The following MMP26 variants were observed in gnomAD, a reference collection of about 807,000 sequenced individuals.
MMP26 encodes the protein matrix metallopeptidase 26, also known as matrix metalloproteinase-26.
A neutral mutation model predicts 31.0 loss-of-function variants in MMP26; 33 were observed. The ratio of observed to expected loss-of-function variants is 1.06; its 90% CI spans 0.81 to 1.42. The LOEUF is 1.42. Among genes scored for constraint, MMP26 ranks in the 40% most tolerant of loss-of-function variants. The pLI is 0.00. For synonymous variants in MMP26, 122 were observed against 114.9 expected, an observed-to-expected ratio of 1.06 and a Z score of -0.40; for missense variants, 347 against 316.1, an observed-to-expected ratio of 1.10 and a Z score of -0.74.
chr11:4,962,674 G>C (rs1383692599), intron 2 of MMP26, among the ~76,000 whole-genome samples: 1 of 152,122 alleles, frequency 6.6e-6, no homozygotes, highest in Admixed American at 6.6e-5. Context: ...ATAGTAATTC[G>C]GGTTTAGCAC....
At chr11:4,767,719 G>A (rs1166820843) in intron 2 of MMP26, among the ~76,000 whole-genome samples, 1 of 151,858 alleles carries the variant, frequency 6.6e-6, no homozygotes, top group Non-Finnish European at 1.5e-5. Context: ...TGCAAAAATA[G>A]GCTCTTGCAA....
intron 2 of MMP26, among the ~76,000 whole-genome samples, chr11:4,786,533 G>A (rs1387400324): frequency 1.9e-5 from 2 of 105,776 alleles, no homozygotes; most frequent in East Asian, 6.9e-4. Flanking sequence ...TACCAAAACT[G>A]TTGTGAGATA....
chr11:4,782,735 G>A (rs1190071201), intron 2 of MMP26, among the ~76,000 whole-genome samples: 2 of 152,192 alleles, frequency 1.3e-5, no homozygotes, highest in East Asian at 1.9e-4. Context: ...ATTGGGCCAG[G>A]CCCAAGGTCT....
intron 2 of MMP26, among the ~76,000 whole-genome samples, chr11:4,965,750 A>AGT (rs1351456510): frequency 2.0e-5 from 3 of 152,198 alleles, no homozygotes; most frequent in Non-Finnish European, 4.4e-5. Context: ...GGTTAACAGG[A>AGT]ATCAAAGTAA....
At chr11:4,893,122 T>C (rs904673366) in intron 2 of MMP26, among the ~76,000 whole-genome samples, 1 of 152,122 alleles carries the variant, frequency 6.6e-6, no homozygotes, top group Admixed American at 6.6e-5. Context: ...TTCCCCAGTC[T>C]GTATACAAGA....
At chr11:4,900,900 G>T (rs1850790444) in intron 2 of MMP26, among the ~76,000 whole-genome samples, 1 of 152,088 alleles carries the variant, frequency 6.6e-6, no homozygotes, top group African/African-American at 2.4e-5. Flanking sequence ...TCCATCAGCT[G>T]ATTTGTCCGT....
At chr11:4,748,812 G>A (rs542864546) in intron 1 of MMP26, among the ~76,000 whole-genome samples, 15 of 151,948 alleles carry the variant, frequency 9.9e-5, no homozygotes, top group Non-Finnish European at 1.0e-4. Flanking sequence ...TAAAAGCCAC[G>A]TATGACAAAC....
intron 2 of MMP26, chr11:4,882,859 G>A: frequency 1.2e-6 from 2 of 1,612,882 alleles, no homozygotes; most frequent in East Asian, 2.2e-5. Context: ...TTAATGTGAG[G>A]GGTCTTAGGG....
rs1384791968 is a variant in MMP26, at chr11:4,739,789, A to AT, written c.-216-27476dup. On this transcript the variant is annotated intron_variant, in intron 1 of 7. Transcript: ENST00000380390. Reference sequence around the variant, plus strand: ...TTATAGGCCACTGAGAAGCTGGCATATTTTTCATCTAAGGCTGCTCAGTTT... The same window carrying AT: ...TTATAGGCCACTGAGAAGCTGGCATATTTTTTCATCTAAGGCTGCTCAGTTT... 2.6e-5 allele frequency among the ~76,000 whole-genome samples: 4 copies of AT among 151,986 alleles called. No homozygotes were observed. In the East Asian group the frequency reaches 7.7e-4, roughly 29 times the overall value.
chr11:4,963,103 G>A (rs988044878), intron 2 of MMP26, among the ~76,000 whole-genome samples: 5 of 152,106 alleles, frequency 3.3e-5, no homozygotes, highest in African/African-American at 1.2e-4. Context: ...GACAAACAGA[G>A]AGCCAAATCA....
chr11:4,709,055 T>C (rs1057086921), intron 1 of MMP26, among the ~76,000 whole-genome samples: 25 of 152,222 alleles, frequency 1.6e-4, no homozygotes, highest in Non-Finnish European at 1.3e-4. Flanking sequence ...AGGAGTATTT[T>C]ACTAGAAAAT....
At chr11:4,803,851 A>C in intron 2 of MMP26, 1 of 1,612,800 alleles carries the variant, frequency 6.2e-7, no homozygotes, top group Non-Finnish European at 8.5e-7. Flanking sequence ...TGACTGGGGA[A>C]TGGCTTGGTG....
At chr11:4,779,326 C>T (rs1187672525) in intron 2 of MMP26, among the ~76,000 whole-genome samples, 1 of 151,882 alleles carries the variant, frequency 6.6e-6, no homozygotes, top group Non-Finnish European at 1.5e-5. Flanking sequence ...TAGTTTTTCT[C>T]TTTATTTTAT....
chr11:4,966,585 T>C (rs568005079), intron 2 of MMP26, among the ~76,000 whole-genome samples: 2 of 152,212 alleles, frequency 1.3e-5, no homozygotes, highest in African/African-American at 2.4e-5. Context: ...GATGGCTGAG[T>C]AGAACTTGGT....
chr11:4,957,649 A>C (rs976489098), intron 2 of MMP26, among the ~76,000 whole-genome samples: 4 of 151,290 alleles, frequency 2.6e-5, no homozygotes, highest in African/African-American at 9.7e-5. Flanking sequence ...TGTTAAACTC[A>C]CACTATGCTC....
intron 1 of MMP26, among the ~76,000 whole-genome samples, chr11:4,739,836 A>G (rs1156519708): frequency 1.3e-5 from 2 of 152,178 alleles, no homozygotes; most frequent in Admixed American, 6.5e-5. Flanking sequence ...CAAAATAGCC[A>G]TATGTCTTTG....
intron 2 of MMP26, among the ~76,000 whole-genome samples, chr11:4,891,679 G>A (rs1850624781): frequency 6.6e-6 from 1 of 152,128 alleles, no homozygotes; most frequent in Non-Finnish European, 1.5e-5. Context: ...CTTTTTGTAT[G>A]ATAATGATTA....
At chr11:4,837,489 G>C (rs1247347094) in intron 2 of MMP26, among the ~76,000 whole-genome samples, 15 of 152,042 alleles carry the variant, frequency 9.9e-5, no homozygotes. Flanking sequence ...TGGGATTATA[G>C]GTGTGACCCA....
intron 1 of MMP26, among the ~76,000 whole-genome samples, chr11:4,765,216 A>G (rs757531376): frequency 1.3e-5 from 2 of 152,178 alleles, no homozygotes; most frequent in African/African-American, 2.4e-5. Flanking sequence ...GCAATCACTG[A>G]CCATGGCAGA....
Sources: allele counts gnomAD v4.1 joint callset (sites outside exome capture counted in the v4.1 genomes callset), GRCh38; gene constraint gnomAD v4.1.1; transcripts MANE v1.5; gene names NCBI Gene and HGNC (gene_info 2026-07-23, HGNC 2026-07-21).